The following GPHN variants were observed in gnomAD, a reference collection of about 807,000 sequenced individuals.
GPHN encodes the protein gephyrin.
GPHN carries 17 observed loss-of-function variants against 95.5 expected under a neutral mutation model. The ratio of observed to expected loss-of-function variants is 0.18; its 90% confidence interval spans 0.12 to 0.27. GPHN has a LOEUF of 0.27. Ranked by LOEUF, GPHN falls within the 10% of genes least tolerant of loss-of-function variation. The probability of loss-of-function intolerance (pLI) is 1.00; values close to 1 mark genes in which losing one functional copy is unlikely to be tolerated. For missense variants in GPHN, 660 were observed against 978.1 expected (o/e 0.67, Z 4.34); for synonymous variants, 320 against 322.5 (o/e 0.99, Z 0.08).
the GPHN span, among the ~76,000 whole-genome samples, chr14:67,403,918 G>A: frequency 6.6e-6 from 1 of 152,044 alleles, no homozygotes; most frequent in Non-Finnish European, 1.5e-5. Context: ...TGGGTGTGGT[G>A]GCACACTCCT....
chr14:67,519,126 G>A, the GPHN span, among the ~76,000 whole-genome samples: 3 of 152,156 alleles, frequency 2.0e-5, no homozygotes, highest in African/African-American at 7.2e-5. Flanking sequence ...TTGAAAATGG[G>A]GGAGTCTCTT....
At chr14:66,746,820 T>C (rs1387878811) in intron 2 of GPHN, among the ~76,000 whole-genome samples, 1 of 152,194 alleles carries the variant, frequency 6.6e-6, no homozygotes, top group African/African-American at 2.4e-5. Context: ...GGTTTGGTGC[T>C]GCCCTTTTGG....
intron 21 of GPHN, among the ~76,000 whole-genome samples, chr14:67,178,136 G>T (rs1401843268): frequency 6.6e-6 from 1 of 152,178 alleles, no homozygotes; most frequent in African/African-American, 2.4e-5. Flanking sequence ...CCCATTAGTT[G>T]ATGCAGTTTC....
At chr14:67,099,201 G>A (rs922529228) in intron 12 of GPHN, among the ~76,000 whole-genome samples, 16 of 150,540 alleles carry the variant, frequency 1.1e-4, no homozygotes, top group Admixed American at 1.3e-4. Context: ...CCCCCGCCTC[G>A]CAGGTTCAAG....
chr14:66,638,108 A>G (rs529654808), intron 1 of GPHN, among the ~76,000 whole-genome samples: 49 of 152,050 alleles, frequency 3.2e-4, no homozygotes, highest in Admixed American at 9.8e-4. Flanking sequence ...TATTTCCTCC[A>G]TCTTGAAACA....
chr14:66,991,083 A>G (rs1357794106), intron 9 of GPHN, among the ~76,000 whole-genome samples: 1 of 152,032 alleles, frequency 6.6e-6, no homozygotes, highest in East Asian at 1.9e-4. Flanking sequence ...AATAATGTTT[A>G]TTTCTCATAT....
the GPHN span, among the ~76,000 whole-genome samples, chr14:67,675,506 A>T: frequency 1.3e-5 from 2 of 152,056 alleles, no homozygotes; most frequent in South Asian, 4.1e-4. Flanking sequence ...AAAAATTCAA[A>T]AGTGGAACCC....
At chr14:66,515,771 A>G (rs1006159058) in intron 1 of GPHN, among the ~76,000 whole-genome samples, 2 of 152,190 alleles carry the variant, frequency 1.3e-5, no homozygotes, top group Admixed American at 6.5e-5. Flanking sequence ...AACACCTACT[A>G]TGTACCAAGG....
intron 1 of GPHN, among the ~76,000 whole-genome samples, chr14:66,666,679 A>G (rs545157882): frequency 9.6e-4 from 147 of 152,340 alleles, no homozygotes; most frequent in Non-Finnish European, 1.8e-3. Context: ...AGCCAACATC[A>G]TACTGAATGG....
chr14:67,573,887 G>A, the GPHN span: 1 of 1,608,076 alleles, frequency 6.2e-7, no homozygotes. The surrounding 1 kb of genome is among the most constrained non-coding windows in gnomAD (Gnocchi z 4.8). Context: ...AGACGTTTCA[G>A]GTGAGCACGC....
At chr14:67,688,996 C>T in the GPHN span, among the ~76,000 whole-genome samples, 1 of 152,272 alleles carries the variant, frequency 6.6e-6, no homozygotes, top group East Asian at 1.9e-4. Flanking sequence ...TTTTACTGCA[C>T]CATAATGATT....
the GPHN span, chr14:67,279,991 T>C: frequency 6.5e-6 from 1 of 154,190 alleles, no homozygotes; most frequent in African/African-American, 2.4e-5. Context: ...ATTGTTCATA[T>C]GGTATCATAA....
intron 2 of GPHN, among the ~76,000 whole-genome samples, chr14:66,740,373 C>T (rs2072692410): frequency 6.6e-6 from 1 of 151,918 alleles, no homozygotes; most frequent in South Asian, 2.1e-4. Context: ...ACATTGATCT[C>T]AAATTCAAAG....
chr14:67,200,620 T>TGAGCTACCCACCTCCA, the GPHN span: 4 of 187,460 alleles, frequency 2.1e-5, no homozygotes, highest in Admixed American at 2.6e-4. Flanking sequence ...AGTACTAGTG[T>TGAGCTACCCACCTCCA]GAGCTACCCA....
At chr14:67,470,177 G>A in the GPHN span, 1 of 152,258 alleles carries the variant, frequency 6.6e-6, no homozygotes, top group Admixed American at 6.5e-5. Flanking sequence ...AGTTCAGGAG[G>A]GCATGATGCC....
the GPHN span, chr14:67,695,573 T>C: frequency 2.0e-6 from 3 of 1,537,490 alleles, no homozygotes; most frequent in Admixed American, 3.6e-5. Flanking sequence ...GGATTCTATG[T>C]TTCCCTCCCG....
chr14:66,557,582 A>G (rs945952574), intron 1 of GPHN, among the ~76,000 whole-genome samples: 1 of 152,246 alleles, frequency 6.6e-6, no homozygotes, highest in Non-Finnish European at 1.5e-5. Flanking sequence ...GCATTAAATC[A>G]TAAGTTAGAA....
intron 16 of GPHN, among the ~76,000 whole-genome samples, chr14:67,114,277 T>C (rs1456786530): frequency 5.9e-5 from 9 of 152,210 alleles, no homozygotes; most frequent in Non-Finnish European, 1.3e-4. Context: ...TAACACTATA[T>C]ATAGCATCAG....
the GPHN span, among the ~76,000 whole-genome samples, chr14:67,341,344 G>A: frequency 6.6e-6 from 1 of 151,530 alleles, no homozygotes. Flanking sequence ...GAAGTGAGGA[G>A]ACCCTCCACC....
Sources: gnomAD v4.1 joint callset for allele counts (sites outside exome capture counted in the v4.1 genomes callset) on GRCh38, gnomAD v4.1.1 for gene constraint, Gnocchi (gnomAD v3.1) non-coding constraint, MANE v1.5 for transcripts, NCBI Gene and HGNC (gene_info 2026-07-23, HGNC 2026-07-21) for gene names.